Variants in TENT5B observed in about 807,000 individuals in gnomAD.
TENT5B encodes the protein terminal nucleotidyltransferase 5B, also known as family with sequence similarity 46 member B.
TENT5B carries 12 observed loss-of-function variants against 21.7 expected under a neutral mutation model. The observed-to-expected ratio is 0.55, with a 90% CI of 0.36 to 0.90. The LOEUF (loss-of-function observed/expected upper bound fraction) is 0.90, where lower values mean the gene tolerates loss of function less well. Ranked by LOEUF, TENT5B falls within the 40% of genes least tolerant of loss-of-function variation. TENT5B has a pLI of 0.01. For synonymous variants in TENT5B, 262 were observed against 266.6 expected (o/e 0.98, Z 0.17); for missense variants, 540 against 601.5 (o/e 0.90, Z 1.07).
In TENT5B at chr1:27,006,414, T is replaced by C. The variant is rs765574938; in HGVS notation, c.808A>G (p.Ser270Gly). The C allele has an allele frequency of 5.6e-6, 9 of 1,613,406 alleles. No homozygotes were observed. Among genetic ancestry groups the C allele is most frequent in the Non-Finnish European group, 7.6e-6 (9 of 1,179,828 alleles). ...HLRHRVIATR[S>G]PEEIRGGGLL... is the part of the protein sequence containing the mutation. ...CCACCACCTCGGATCTCCTCGGGAC[T>C]GCGCGTGGCGATGACACGGTGCCGC... Residue 270 changes from serine to glycine, a missense_variant, in exon 2 of 2, where the codon AGT becomes GGT. By Grantham distance (56) the Ser-to-Gly change is moderately conservative (BLOSUM62 0). Transcript: ENST00000289166. This position sits in a 1 kb window ranked among gnomAD's most constrained non-coding sequence, Gnocchi z 9.4.
chr1:27,012,083 G>A (rs1328735298), intron 1 of TENT5B, among the ~76,000 whole-genome samples: 6 of 152,142 alleles, frequency 3.9e-5, no homozygotes, highest in African/African-American at 1.2e-4. Context: ...GCCACCTGGC[G>A]TCTTTTGTCC....
In TENT5B at chr1:27,012,762, G is replaced by A; in HGVS notation, c.-92C>T. The A allele has an allele frequency of 1.5e-6, 2 of 1,354,768 alleles. No homozygotes were observed. The highest frequency in any genetic ancestry group is 1.9e-6 in the Non-Finnish European group (2 of 1,053,486). 83.9% of individuals were successfully genotyped at this position (1,354,768 alleles called of 1,614,324 possible). A position where few individuals can be genotyped will look rare whatever the true frequency, so the allele number is the denominator to read the frequency against. ...GCGGCTGGGCAGGGGCCAAGGCGGGGGGCACGAAGGCAGGGACGGGGCGGC... is the reference window on the plus strand; with the variant it reads ...GCGGCTGGGCAGGGGCCAAGGCGGGAGGCACGAAGGCAGGGACGGGGCGGC... On this transcript the variant is annotated 5_prime_UTR_variant, in exon 1 of 2. Transcript: ENST00000289166.
Position 27,006,118 on chromosome 1 carries a change from G to A in TENT5B, c.1104C>T (p.Leu368=), listed in dbSNP as rs200031092. 7 of 1,608,200 alleles carry A rather than the reference G, an allele frequency of 4.4e-6. No homozygotes were observed. In the East Asian group the frequency reaches 1.6e-4, roughly 36 times the overall value. Residue 368 remains leucine (L), a synonymous_variant, in exon 2 of 2, where the codon CTC becomes CTT. Coordinates refer to ENST00000289166, the MANE Select transcript of TENT5B (RefSeq NM_052943.4). This position sits in a 1 kb window ranked among gnomAD's most constrained non-coding sequence, Gnocchi z 9.4. ...MNHERRQTLD[L]IAALALQALA... is the part of the protein sequence containing the mutation. The stretch of plus-strand genomic sequence containing the variant: ...GTGCCTGCAGCGCCAGTGCGGCAAT[G>A]AGGTCCAGCGTCTGGCGGCGCTCGT...
chr1:27,010,327 G>C (rs945604846), intron 1 of TENT5B, among the ~76,000 whole-genome samples: 1 of 152,108 alleles, frequency 6.6e-6, no homozygotes, highest in African/African-American at 2.4e-5. Context: ...CCTTGCAGGG[G>C]GGTAGAGGGA....
In TENT5B at chr1:27,005,984, A is replaced by G; in HGVS notation, c.1238T>C (p.Leu413Pro). 6.3e-7 allele frequency: 1 copy of G among 1,590,744 alleles called. No individual in the cohort carries two copies. Among genetic ancestry groups the G allele is most frequent in the Non-Finnish European group, 8.6e-7 (1 of 1,165,742 alleles). The change falls in exon 2 of 2, where the codon CTC (leucine) becomes CCC (proline). Residue 413 changes from leucine (L) to proline (P), a missense_variant. By Grantham distance (98) the Leu-to-Pro change is moderately conservative. Transcript: ENST00000289166. ...CCAGGTGGGATAGGCGTGAGCCAGG[A>G]GAGGTTGCACGGGGGTCACGTAGTA... ...VNYYVTPVQP[L>P]LAHAYPTWLP...
chr1:27,006,142 GTGGTTCA>G lies in TENT5B; in HGVS notation c.1073_1079del (p.Met358ThrfsTer48). On this transcript the variant is annotated frameshift_variant, in exon 2 of 2. Transcript: ENST00000289166. LOFTEE classifies it high-confidence loss of function. This position sits in a 1 kb window ranked among gnomAD's most constrained non-coding sequence, Gnocchi z 9.4. Reference sequence around the variant, plus strand: ...TGAGGTCCAGCGTCTGGCGGCGCTCGTGGTTCATGAGGCACACGGTGCTCTCGTTGAC... The same window carrying G: ...TGAGGTCCAGCGTCTGGCGGCGCTCGTGAGGCACACGGTGCTCTCGTTGAC... The G allele has an allele frequency of 6.2e-7, 1 of 1,607,896 alleles. No homozygotes were observed. The highest frequency in any genetic ancestry group is 2.2e-5 in the East Asian group (1 of 44,724).
At chr1:27,008,035 G>T (rs920533304) in intron 1 of TENT5B, among the ~76,000 whole-genome samples, 1 of 152,084 alleles carries the variant, frequency 6.6e-6, no homozygotes, top group African/African-American at 2.4e-5. Flanking sequence ...TTTGCTCTCG[G>T]ATGAGGAAAC....
intron 1 of TENT5B, among the ~76,000 whole-genome samples, chr1:27,011,279 T>A (rs942375152): frequency 2.0e-5 from 3 of 152,110 alleles, no homozygotes; most frequent in African/African-American, 7.2e-5. Flanking sequence ...CCTCCCCCTC[T>A]GTGGGAAGCC....
rs200968933 is a variant in TENT5B at position 27,006,409 on chromosome 1, G to C, written c.813C>G (p.Pro271=). 1.9e-5 allele frequency: 30 copies of C among 1,613,224 alleles called. No individual in the cohort carries two copies. Among genetic ancestry groups the C allele is most frequent in the African/African-American group, 2.7e-5 (2 of 74,932 alleles). Residue 271 remains proline, a synonymous_variant, in exon 2 of 2, where the codon CCC becomes CCG. Transcript: ENST00000289166. The surrounding 1 kb of genome is among the most constrained non-coding windows in gnomAD (Gnocchi z 9.4). ...LRHRVIATRS[P]EEIRGGGLLK... is the part of the protein sequence containing the mutation. ...GGAGGCCACCACCTCGGATCTCCTCGGGACTGCGCGTGGCGATGACACGGT... is the reference window on the plus strand; with the variant it reads ...GGAGGCCACCACCTCGGATCTCCTCCGGACTGCGCGTGGCGATGACACGGT...
chr1:27,012,520 C>G lies in TENT5B; in HGVS notation c.151G>C (p.Gly51Arg), dbSNP rs777933549. 6.2e-7 allele frequency: 1 copy of G among 1,606,170 alleles called. No homozygotes were observed. The highest frequency in any genetic ancestry group is 1.1e-5 in the South Asian group (1 of 90,638). The change falls in exon 1 of 2, where the codon GGG (glycine) becomes CGG (arginine). Residue 51 changes from glycine (G) to arginine (R), a missense_variant. By Grantham distance (125) the Gly-to-Arg change is moderately radical. Transcript: ENST00000289166. ...LSAFPGRHLS[G>R]LSWPQVKRLD... ...CGCTTCACCTGTGGCCAGCTCAGCC[C>G]ACTCAGGTGCCGTCCGGGGAAGGCC...
intron 1 of TENT5B, among the ~76,000 whole-genome samples, chr1:27,009,580 A>G (rs1031560662): frequency 2.6e-5 from 4 of 152,184 alleles, no homozygotes; most frequent in African/African-American, 9.6e-5. Flanking sequence ...GGGACTTCTA[A>G]CCCACACCCT....
At position 27,005,919 on chromosome 1, in the gene TENT5B, C is replaced by T. The variant is rs1434381903; in HGVS notation, c.*25G>A. On this transcript the variant is annotated 3_prime_UTR_variant, in exon 2 of 2. Transcript: ENST00000289166. ...CCACCCCACCCCGTGAGGCCCAGTC[C>T]CTTCCCTTCTGGCCAGGGTCTGAGT... 2.6e-6 allele frequency: 4 copies of T among 1,529,758 alleles called. No individual in the cohort carries two copies. Among genetic ancestry groups the T allele is most frequent in the Non-Finnish European group, 3.5e-6 (4 of 1,137,204 alleles). The allele number at this position is 1,529,758 out of a possible 1,614,324, so 94.8% of individuals were successfully genotyped here.
Position 27,012,388 on chromosome 1 carries a change from C to T in TENT5B, c.264+19G>A. On this transcript the variant is annotated intron_variant, in intron 1 of 1. Coordinates refer to ENST00000289166, the MANE Select transcript of TENT5B (RefSeq NM_052943.4). ...CTCAGAAGGGATTCCCCCACATCCC[C>T]CGCCTGGCGTCCTCTCACCTGCACG... 1 of 1,606,732 alleles carries T rather than the reference C, an allele frequency of 6.2e-7. No individual in the cohort carries two copies.
At position 27,006,249 on chromosome 1, in the gene TENT5B, G is replaced by A. The variant is rs767819598; in HGVS notation, c.973C>T (p.Arg325Cys). The change falls in exon 2 of 2, where the codon CGC becomes TGC. Residue 325 changes from arginine to cysteine, a missense_variant. By Grantham distance (180) the Arg-to-Cys change is radical. Transcript: ENST00000289166. This position sits in a 1 kb window ranked among gnomAD's most constrained non-coding sequence, Gnocchi z 9.4. The stretch of plus-strand genomic sequence containing the variant: ...CCACCGAAGTGGGCCTCCAGGTAGC[G>A]CTCTAGGGTGCGCCGCTGCTCCACC... ...DLVEQRRTLE[R>C]YLEAHFGGAD... is the part of the protein sequence containing the mutation. The A allele has an allele frequency of 1.4e-5, 23 of 1,612,314 alleles. 1 individual carries two copies. The South Asian group carries it at 2.2e-4, about 15-fold the overall frequency.
rs764032411 is a variant in TENT5B, at chr1:27,006,505, C to G, written c.717G>C (p.Glu239Asp). 3 of 1,614,148 alleles carry G rather than the reference C, an allele frequency of 1.9e-6. No homozygotes were observed. The highest frequency in any genetic ancestry group is 4.5e-5 in the East Asian group (2 of 44,876). The part of the protein sequence containing the change: ...FGQCSSTPMS[E>D]AFHPTVTGES... ...CGCCTGTGACCGTTGGGTGGAAGGCCTCAGACATGGGAGTGGACGAGCACT... is the reference window on the plus strand; with the variant it reads ...CGCCTGTGACCGTTGGGTGGAAGGCGTCAGACATGGGAGTGGACGAGCACT... The change falls in exon 2 of 2, where the codon GAG becomes GAC. Residue 239 changes from glutamate to aspartate, a missense_variant. Physicochemically the swap from Glu to Asp is conservative, Grantham distance 45. Coordinates refer to ENST00000289166, the MANE Select transcript of TENT5B (RefSeq NM_052943.4). The surrounding 1 kb of genome is among the most constrained non-coding windows in gnomAD (Gnocchi z 9.4).
rs1165541569 is a variant in TENT5B, at chr1:27,006,564, G to C, written c.658C>G (p.Gln220Glu). 1 of 1,614,210 alleles carries C rather than the reference G, an allele frequency of 6.2e-7. No homozygotes were observed. Among genetic ancestry groups the C allele is most frequent in the Admixed American group, 1.7e-5 (1 of 60,026 alleles). The change falls in exon 2 of 2, where the codon CAG (glutamine) becomes GAG (glutamate). Residue 220 changes from glutamine (Q) to glutamate (E), a missense_variant. Gln to Glu is a conservative substitution (Grantham distance 29, BLOSUM62 2). Coordinates refer to ENST00000289166, the MANE Select transcript of TENT5B (RefSeq NM_052943.4). This position sits in a 1 kb window ranked among gnomAD's most constrained non-coding sequence, Gnocchi z 9.4. ...RQFEFSIDSFQIILDSLLLFG... is the reference protein window; with the variant it reads ...RQFEFSIDSFEIILDSLLLFG... ...AGCAACAGGGAGTCCAGGATGATCT[G>C]GAAGGAGTCTATGCTGAATTCAAAC...
In TENT5B at chr1:27,012,811, G is replaced by T; in HGVS notation, c.-141C>A. ...GCAACGACGGCGAGACAAAGCCAGG[G>T]AACACCTCAGACGGCGACGACTAAC... On this transcript the variant is annotated 5_prime_UTR_variant, in exon 1 of 2. Coordinates refer to ENST00000289166, the MANE Select transcript of TENT5B (RefSeq NM_052943.4). 8.9e-7 allele frequency: 1 copy of T among 1,126,412 alleles called. No individual in the cohort carries two copies. The allele number at this position is 1,126,412 out of a possible 1,614,324, so 69.8% of individuals were successfully genotyped here.
chr1:27,006,169 G>T lies in TENT5B; in HGVS notation c.1053C>A (p.Asn351Lys). 6.2e-7 allele frequency: 1 copy of T among 1,611,206 alleles called. No homozygotes were observed. Among genetic ancestry groups the T allele is most frequent in the Non-Finnish European group, 8.5e-7 (1 of 1,178,924 alleles). The change falls in exon 2 of 2, where the codon AAC becomes AAA. Residue 351 changes from asparagine (N) to lysine (K), a missense_variant. Asn to Lys is a moderately conservative substitution (Grantham distance 94). Transcript: ENST00000289166. The surrounding 1 kb of genome is among the most constrained non-coding windows in gnomAD (Gnocchi z 9.4). ...ACLVTLHRVV[N>K]ESTVCLMNHE... ...GGTTCATGAGGCACACGGTGCTCTC[G>T]TTGACCACCCGGTGCAGTGTCACCA...
chr1:27,006,622 C>T lies in TENT5B; in HGVS notation c.600G>A (p.Val200=), dbSNP rs1337533628. 7 of 1,614,212 alleles carry T rather than the reference C, an allele frequency of 4.3e-6. No homozygotes were observed. The highest frequency in any genetic ancestry group is 5.1e-6 in the Non-Finnish European group (6 of 1,180,040). ...ISLSNKSGKN[V]ELKFVDSVRR... ...TCACCGAGTCCACAAACTTGAGCTC[C>T]ACGTTCTTGCCGCTCTTGTTGGACA... Residue 200 remains valine, a synonymous_variant, in exon 2 of 2, where the codon GTG becomes GTA. Coordinates refer to ENST00000289166, the MANE Select transcript of TENT5B (RefSeq NM_052943.4). The surrounding 1 kb of genome is among the most constrained non-coding windows in gnomAD (Gnocchi z 9.4).
Sources: allele counts gnomAD v4.1 joint callset (sites outside exome capture counted in the v4.1 genomes callset), GRCh38; gene constraint gnomAD v4.1.1; non-coding constraint Gnocchi (gnomAD v3.1); transcripts MANE v1.5; gene names NCBI Gene and HGNC (gene_info 2026-07-23, HGNC 2026-07-21).